Variants in SRGAP3 observed in about 807,000 individuals in gnomAD.
The protein encoded by SRGAP3 is SLIT-ROBO Rho GTPase activating protein 3, also known as SLIT-ROBO Rho GTPase-activating protein 3.
A neutral mutation model predicts 121.1 loss-of-function variants in SRGAP3; 39 were observed. That is an observed-to-expected ratio of 0.32 (90% CI 0.25 to 0.42). The LOEUF (loss-of-function observed/expected upper bound fraction) is 0.42. Among genes scored for constraint, SRGAP3 ranks in the 10% least tolerant of loss-of-function variants. The probability of loss-of-function intolerance (pLI) is 1.00; values close to 1 mark genes in which losing one functional copy is unlikely to be tolerated. For synonymous variants in SRGAP3, 601 were observed against 570.0 expected, an observed-to-expected ratio of 1.05 and a Z score of -0.77; for missense variants, 1,213 against 1,470.6, an observed-to-expected ratio of 0.82 and a Z score of 2.86.
chr3:9,068,868 T>C (rs967927491), intron 4 of SRGAP3, among the ~76,000 whole-genome samples: 6 of 152,036 alleles, frequency 3.9e-5, no homozygotes, highest in Non-Finnish European at 7.4e-5. Flanking sequence ...GTGATGACAG[T>C]AACAACAATG....
chr3:9,166,332 C>A (rs1950783739), intron 1 of SRGAP3, among the ~76,000 whole-genome samples: 1 of 152,190 alleles, frequency 6.6e-6, no homozygotes, highest in Non-Finnish European at 1.5e-5. Context: ...GACTTCTCAT[C>A]TTTAAAGCTA....
At chr3:9,151,777 G>T (rs1460575889) in intron 1 of SRGAP3, among the ~76,000 whole-genome samples, 5 of 152,220 alleles carry the variant, frequency 3.3e-5, no homozygotes, top group African/African-American at 1.2e-4. Flanking sequence ...GGGGTGGCCA[G>T]CAAGGAGCTC....
intron 4 of SRGAP3, among the ~76,000 whole-genome samples, chr3:9,072,211 C>T (rs780084124): frequency 3.3e-5 from 5 of 152,180 alleles, no homozygotes; most frequent in Non-Finnish European, 7.4e-5. Context: ...TCCCACCGCG[C>T]TAAGTGCTGC....
chr3:9,151,257 A>C (rs1950198468), intron 1 of SRGAP3, among the ~76,000 whole-genome samples: 1 of 152,052 alleles, frequency 6.6e-6, no homozygotes, highest in Non-Finnish European at 1.5e-5. Flanking sequence ...ATGGGGGAAG[A>C]GCATACGGGG....
At chr3:9,107,943 G>A (rs1948474900) in intron 2 of SRGAP3, among the ~76,000 whole-genome samples, 1 of 152,196 alleles carries the variant, frequency 6.6e-6, no homozygotes, top group Admixed American at 6.5e-5. Context: ...TTGAAGGATG[G>A]GTAGGAGTTT....
intron 20 of SRGAP3, among the ~76,000 whole-genome samples, chr3:8,991,446 G>T (rs576609510): frequency 8.3e-4 from 127 of 152,286 alleles, no homozygotes; most frequent in African/African-American, 3.0e-3. Context: ...GCCCTTTTGT[G>T]CATTTGGTAC....
At chr3:9,005,439 G>A (rs1250709143) in intron 18 of SRGAP3, among the ~76,000 whole-genome samples, 1 of 152,114 alleles carries the variant, frequency 6.6e-6, no homozygotes, top group African/African-American at 2.4e-5. Context: ...ATACTCAAGA[G>A]AAATGAAAAA....
At position 8,985,694 on chromosome 3, in the gene SRGAP3, G is replaced by A. The variant is rs1941656762; in HGVS notation, c.3125C>T (p.Ala1042Val). The change falls in exon 22 of 22, where the codon GCC (alanine) becomes GTC (valine). Residue 1042 changes from alanine to valine, a missense_variant. Physicochemically the swap from Ala to Val is moderately conservative, Grantham distance 64. Coordinates refer to ENST00000383836, the MANE Select transcript of SRGAP3 (RefSeq NM_014850.4). The surrounding 1 kb of genome is among the most constrained non-coding windows in gnomAD (Gnocchi z 5.1). ...STEMMTTFKP[A>V]LSARLAGAQL... Reference sequence around the variant, plus strand: ...GGCGCCAGCCAGGCGGGCGGACAGGGCTGGCTTGAAGGTGGTCATCATCTC... The same window carrying A: ...GGCGCCAGCCAGGCGGGCGGACAGGACTGGCTTGAAGGTGGTCATCATCTC... 1 of 1,597,688 alleles carries A rather than the reference G, an allele frequency of 6.3e-7. No homozygotes were observed. The highest frequency in any genetic ancestry group is 1.3e-5 in the African/African-American group (1 of 74,968).
At chr3:9,139,259 C>T (rs1479294488) in intron 1 of SRGAP3, among the ~76,000 whole-genome samples, 2 of 152,256 alleles carry the variant, frequency 1.3e-5, no homozygotes, top group East Asian at 3.9e-4. Flanking sequence ...CAAGAGACAT[C>T]CAGTTCCTAA....
Position 8,990,426 on chromosome 3 carries a change from C to T in SRGAP3, c.2886+86G>A, listed in dbSNP as rs1941966178. The T allele has an allele frequency of 2.3e-5, 35 of 1,510,304 alleles. No individual in the cohort carries two copies. The South Asian group carries it at 3.6e-4, about 16-fold the overall frequency. 93.6% of individuals were successfully genotyped at this position (1,510,304 alleles called of 1,614,324 possible). A position where few individuals can be genotyped will look rare whatever the true frequency, so the allele number is the denominator to read the frequency against. ...CTTAGCCATGAGCCTGGCATAAAGG[C>T]CAAGGTGGCTCCCCGCTCCACGGAT... On this transcript the variant is annotated intron_variant, in intron 21 of 21. Coordinates refer to ENST00000383836, the MANE Select transcript of SRGAP3 (RefSeq NM_014850.4).
intron 3 of SRGAP3, among the ~76,000 whole-genome samples, chr3:9,258,338 T>C (rs1049225176): frequency 6.6e-6 from 1 of 151,790 alleles, no homozygotes; most frequent in South Asian, 2.1e-4. Flanking sequence ...AAGGGGACAA[T>C]TGGTATAGCT....
At chr3:9,059,971 C>T (rs1946055379) in intron 6 of SRGAP3, 2 of 480,046 alleles carry the variant, frequency 4.2e-6, no homozygotes, top group African/African-American at 3.9e-5. Context: ...TGGGAAGTTG[C>T]CATTGGATAT....
intron 8 of SRGAP3, 86 bp from the exon 9 acceptor site, chr3:9,053,310 C>T (rs1295180083): frequency 7.4e-7 from 1 of 1,342,462 alleles, no homozygotes; most frequent in East Asian, 2.5e-5. Flanking sequence ...TGTCACTTTA[C>T]TTCTTCCATA....
intron 12 of SRGAP3, among the ~76,000 whole-genome samples, chr3:9,029,036 TAG>T (rs890499774): frequency 2.0e-5 from 3 of 152,286 alleles, no homozygotes; most frequent in African/African-American, 7.2e-5. Context: ...GCCTTCTAGC[TAG>T]AGTCATCTGT....
chr3:9,234,272 T>C (rs1001092852), intron 1 of SRGAP3, among the ~76,000 whole-genome samples: 18 of 152,132 alleles, frequency 1.2e-4, no homozygotes, highest in Admixed American at 1.1e-3. Context: ...CCCAAGGTAA[T>C]AGATCTTTGG....
At position 9,013,362 on chromosome 3, in the gene SRGAP3, C is replaced by T. The variant is rs1302672475; in HGVS notation, c.2093G>A (p.Arg698Gln). ...TTCATACACAGGTCCCTCTAGCTCC[C>T]GGGGGCTGGGGAAGATGGCTTCATG... ...IHHEAIFPSPRELEGPVYEKC... is the reference protein window; with the variant it reads ...IHHEAIFPSPQELEGPVYEKC... The change falls in exon 17 of 22, where the codon CGG becomes CAG. Residue 698 changes from arginine to glutamine, a missense_variant. Physicochemically the swap from Arg to Gln is conservative, Grantham distance 43. Transcript: ENST00000383836. 6 of 1,613,986 alleles carry T rather than the reference C, an allele frequency of 3.7e-6. No individual in the cohort carries two copies. Among genetic ancestry groups the T allele is most frequent in the East Asian group, 2.2e-5 (1 of 44,882 alleles).
At chr3:9,052,001 C>T (rs1371927857) in intron 9 of SRGAP3, among the ~76,000 whole-genome samples, 2 of 152,184 alleles carry the variant, frequency 1.3e-5, no homozygotes, top group African/African-American at 2.4e-5. Flanking sequence ...GCGTAAGCCA[C>T]GGTGCCCGGC....
intron 18 of SRGAP3, among the ~76,000 whole-genome samples, chr3:8,997,010 G>A (rs942404381): frequency 1.8e-4 from 28 of 152,178 alleles, no homozygotes; most frequent in African/African-American, 6.8e-4. Context: ...CAGACAATGT[G>A]AGGGAAAGAA....
intron 14 of SRGAP3, among the ~76,000 whole-genome samples, chr3:9,023,746 G>A (rs1291033144): frequency 2.6e-5 from 4 of 152,262 alleles, no homozygotes; most frequent in South Asian, 4.1e-4. Context: ...ATGAATACAT[G>A]ACTAAGTAGG....
Sources: allele counts gnomAD v4.1 joint callset (sites outside exome capture counted in the v4.1 genomes callset), GRCh38; gene constraint gnomAD v4.1.1; non-coding constraint Gnocchi (gnomAD v3.1); transcripts MANE v1.5; gene names NCBI Gene and HGNC (gene_info 2026-07-23, HGNC 2026-07-21).